OR1J2: variants seen among roughly 807,000 people sequenced by gnomAD.
OR1J2 encodes olfactory receptor family 1 subfamily J member 2, also known as olfactory receptor 1J2.
For synonymous variants in OR1J2, 142 were observed against 99.7 expected (o/e 1.42, Z -2.52); for missense variants, 304 against 246.1 (o/e 1.24, Z -1.57).
chr9:122,553,637 G>C, the OR1J2 span: 9 of 1,614,116 alleles, frequency 5.6e-6, no homozygotes, highest in Non-Finnish European at 7.6e-6. Flanking sequence ...TGAGTCCCCA[G>C]CTCTGTGCAC....
At chr9:122,550,852 A>T in the OR1J2 span, among the ~76,000 whole-genome samples, 21 of 151,912 alleles carry the variant, frequency 1.4e-4, 1 homozygote, top group Non-Finnish European at 2.7e-4. Context: ...GACGAAGATG[A>T]CCACTTTCAT....
chr9:122,472,993 C>T, the OR1J2 span, among the ~76,000 whole-genome samples: 1 of 152,324 alleles, frequency 6.6e-6, no homozygotes, highest in Non-Finnish European at 1.5e-5. Context: ...AAGCAGGTGG[C>T]ATCTGTTTCT....
At chr9:122,534,144 G>A in the OR1J2 span, among the ~76,000 whole-genome samples, 1 of 152,184 alleles carries the variant, frequency 6.6e-6, no homozygotes. Context: ...GTGCCCTGCG[G>A]TTTAGGCGTT....
At chr9:122,578,055 A>G in the OR1J2 span, among the ~76,000 whole-genome samples, 1 of 152,238 alleles carries the variant, frequency 6.6e-6, no homozygotes, top group African/African-American at 2.4e-5. Context: ...AATTAGTACA[A>G]CCACTATGGA....
chr9:122,548,494 A>G, the OR1J2 span, among the ~76,000 whole-genome samples: 2 of 152,174 alleles, frequency 1.3e-5, no homozygotes, highest in Non-Finnish European at 2.9e-5. Context: ...TCAACTCAAA[A>G]TAGTCATTAT....
the OR1J2 span, among the ~76,000 whole-genome samples, chr9:122,479,110 C>CAT: frequency 2.0e-5 from 3 of 152,068 alleles, no homozygotes; most frequent in African/African-American, 7.3e-5. Context: ...AGCGCGAAAA[C>CAT]ATATATATAT....
At chr9:122,568,437 A>T in the OR1J2 span, 1 of 1,610,606 alleles carries the variant, frequency 6.2e-7, no homozygotes, top group East Asian at 2.2e-5. Context: ...TCCCAGGAGG[A>T]TAAACTCGGA....
chr9:122,515,252 T>C (rs911451762), downstream of OR1J2, among the ~76,000 whole-genome samples: 6 of 152,022 alleles, frequency 3.9e-5, no homozygotes, highest in Admixed American at 3.9e-4. Flanking sequence ...CTCTGGTCCC[T>C]TGGTCTCCTA....
At chr9:122,466,821 T>G in the OR1J2 span, among the ~76,000 whole-genome samples, 2 of 144,234 alleles carry the variant, frequency 1.4e-5, no homozygotes, top group East Asian at 2.0e-4. Context: ...ATTAGGAGTG[T>G]TTTTTTTTTG....
At chr9:122,459,202 A>T in the OR1J2 span, among the ~76,000 whole-genome samples, 1 of 152,184 alleles carries the variant, frequency 6.6e-6, no homozygotes, top group Non-Finnish European at 1.5e-5. Flanking sequence ...GTTGATGGAC[A>T]CTTAGATTGA....
At chr9:122,562,388 T>C in the OR1J2 span, among the ~76,000 whole-genome samples, 1 of 152,236 alleles carries the variant, frequency 6.6e-6, no homozygotes, top group South Asian at 2.1e-4. Flanking sequence ...AAGCAGATTC[T>C]AGCTGAGTGG....
At chr9:122,555,776 A>C in the OR1J2 span, among the ~76,000 whole-genome samples, 1 of 152,250 alleles carries the variant, frequency 6.6e-6, no homozygotes, top group East Asian at 1.9e-4. Context: ...ATTGAGCAGA[A>C]AGTTCCCATA....
the OR1J2 span, among the ~76,000 whole-genome samples, chr9:122,542,182 G>A: frequency 6.6e-6 from 1 of 152,126 alleles, no homozygotes; most frequent in African/African-American, 2.4e-5. Context: ...TTTTATTGCT[G>A]TGTAACATTT....
chr9:122,508,674 A>T (rs1258109110), upstream of OR1J2, among the ~76,000 whole-genome samples: 1 of 152,166 alleles, frequency 6.6e-6, no homozygotes, highest in Non-Finnish European at 1.5e-5. Context: ...CTGGGGAAGG[A>T]CACATGGATT....
At chr9:122,475,518 C>A in the OR1J2 span, among the ~76,000 whole-genome samples, 1 of 152,270 alleles carries the variant, frequency 6.6e-6, no homozygotes, top group Admixed American at 6.5e-5. Flanking sequence ...CACTATGCAG[C>A]TTTCTCTGAA....
the OR1J2 span, among the ~76,000 whole-genome samples, chr9:122,481,693 A>G: frequency 1.8e-4 from 27 of 152,320 alleles, no homozygotes; most frequent in African/African-American, 6.5e-4. Context: ...ATACATGAAG[A>G]CACCATGAAT....
At chr9:122,459,254 G>A in the OR1J2 span, among the ~76,000 whole-genome samples, 1 of 152,236 alleles carries the variant, frequency 6.6e-6, no homozygotes, top group South Asian at 2.1e-4. Context: ...CAATAAACAT[G>A]GGAGGATAGA....
the OR1J2 span, among the ~76,000 whole-genome samples, chr9:122,538,831 T>A: frequency 6.6e-6 from 1 of 152,072 alleles, no homozygotes; most frequent in Non-Finnish European, 1.5e-5. Context: ...ACCTAAACAA[T>A]GGGTATACAT....
chr9:122,564,724 G>A, the OR1J2 span, among the ~76,000 whole-genome samples: 1 of 152,278 alleles, frequency 6.6e-6, no homozygotes, highest in South Asian at 2.1e-4. Flanking sequence ...CTGGTACCTG[G>A]TGTGTAGCTA....
Sources: gnomAD v4.1 joint callset for allele counts (sites outside exome capture counted in the v4.1 genomes callset) on GRCh38, gnomAD v4.1.1 for gene constraint, MANE v1.5 for transcripts, NCBI Gene and HGNC (gene_info 2026-07-23, HGNC 2026-07-21) for gene names.